CHN1: variants seen among roughly 807,000 people sequenced by gnomAD.
The protein encoded by CHN1 is N-chimaerin.
A neutral mutation model predicts 59.5 loss-of-function variants in CHN1; 37 were observed. The ratio of observed to expected loss-of-function variants is 0.62; its 90% CI spans 0.48 to 0.82. The LOEUF is 0.82. CHN1 is among the 40% of genes least tolerant of loss of function. The pLI is 0.00. For synonymous variants in CHN1, 206 were observed against 200.4 expected (o/e 1.03, Z -0.24); for missense variants, 469 against 571.0 (o/e 0.82, Z 1.82).
chr2:174,901,941 T>A (rs1258207245), intron 5 of CHN1, among the ~76,000 whole-genome samples: 1 of 152,090 alleles, frequency 6.6e-6, no homozygotes, highest in East Asian at 1.9e-4. Flanking sequence ...CATATATTTA[T>A]CAACATGGAA....
At chr2:174,825,127 A>C (rs543975713) in intron 7 of CHN1, among the ~76,000 whole-genome samples, 1 of 152,334 alleles carries the variant, frequency 6.6e-6, no homozygotes, top group South Asian at 2.1e-4. Flanking sequence ...AAATACTGGC[A>C]TTTCTATGTA....
intron 3 of CHN1, among the ~76,000 whole-genome samples, chr2:174,938,905 A>G (rs1243547737): frequency 2.0e-5 from 3 of 152,142 alleles, no homozygotes; most frequent in Non-Finnish European, 4.4e-5. Flanking sequence ...CAAAAAATCT[A>G]TATTTTTGTG....
intron 1 of CHN1, among the ~76,000 whole-genome samples, chr2:174,979,490 G>T (rs1691066513): frequency 6.6e-6 from 1 of 152,162 alleles, no homozygotes; most frequent in East Asian, 1.9e-4. Flanking sequence ...CTCTGGTTAT[G>T]TGCAACCCAA....
intron 4 of CHN1, 81 bp downstream of exon 4, chr2:174,918,453 C>A: frequency 9.5e-7 from 1 of 1,052,020 alleles, no homozygotes; most frequent in Non-Finnish European, 1.3e-6. Flanking sequence ...CTTCATCTTG[C>A]TTTCATTTAA....
At chr2:174,861,595 A>C (rs755189871) in intron 6 of CHN1, among the ~76,000 whole-genome samples, 25 of 152,266 alleles carry the variant, frequency 1.6e-4, no homozygotes, top group Non-Finnish European at 3.2e-4. Context: ...AAGTAATGGC[A>C]GGTCAGAGGT....
At chr2:174,958,708 C>A (rs571173923) in intron 1 of CHN1, among the ~76,000 whole-genome samples, 3 of 152,302 alleles carry the variant, frequency 2.0e-5, no homozygotes, top group East Asian at 3.9e-4. Flanking sequence ...ATAACAATAT[C>A]ATCTAAAATG....
intron 5 of CHN1, among the ~76,000 whole-genome samples, chr2:174,886,059 G>A (rs1410554746): frequency 1.3e-5 from 2 of 152,122 alleles, no homozygotes; most frequent in Admixed American, 1.3e-4. Flanking sequence ...TACTATGTCA[G>A]GATAAAAAGT....
In CHN1 at chr2:174,879,446, AT is replaced by A. The variant is rs1420189651; in HGVS notation, c.261-1319del. Among the ~76,000 whole-genome samples, 21 of 152,292 alleles carry A rather than the reference AT, an allele frequency of 1.4e-4. No homozygotes were observed. The East Asian group carries it at 2.9e-3, about 21-fold the overall frequency. On this transcript the variant is annotated intron_variant, in intron 5 of 12. Transcript: ENST00000409900. Reference sequence around the variant, plus strand: ...TTATCCATCCTTTAGTAACAATCAAATTTTGATTTACACTTAAGTGAACTAT... The same window carrying A: ...TTATCCATCCTTTAGTAACAATCAAATTTGATTTACACTTAAGTGAACTAT...
chr2:174,877,855 C>A lies in CHN1; in HGVS notation c.534G>T (p.Gly178=), dbSNP rs779665663. ...HDERDSTGQD[G]VSEKRLTSLV... Reference sequence around the variant, plus strand: ...AGTAGCTTACCCTTTTCTCTGACACCCCATCCTGGCCTGTAGAATCTCTCT... The same window carrying A: ...AGTAGCTTACCCTTTTCTCTGACACACCATCCTGGCCTGTAGAATCTCTCT... The change falls in exon 6 of 13, where the codon GGG becomes GGT. Residue 178 remains glycine, a synonymous_variant. Coordinates refer to ENST00000409900, the MANE Select transcript of CHN1 (RefSeq NM_001822.7). The A allele has an allele frequency of 6.2e-7, 1 of 1,610,948 alleles. No homozygotes were observed. Among genetic ancestry groups the A allele is most frequent in the African/African-American group, 1.3e-5 (1 of 74,780 alleles).
chr2:174,963,758 G>T (rs539401287), intron 1 of CHN1, among the ~76,000 whole-genome samples: 1 of 152,074 alleles, frequency 6.6e-6, no homozygotes. Context: ...CTCAAGAGTC[G>T]GAGAAAGCAA....
intron 5 of CHN1, among the ~76,000 whole-genome samples, chr2:174,895,832 C>T (rs1447127921): frequency 1.3e-5 from 2 of 152,038 alleles, no homozygotes. Flanking sequence ...CTCCTCAGCT[C>T]AACTCACAAA....
intron 1 of CHN1, among the ~76,000 whole-genome samples, chr2:174,961,543 A>G (rs1928488): frequency 0.048 from 7,319 of 151,950 alleles, 569 homozygotes; most frequent in African/African-American, 0.17. Context: ...GTGAGGTGAG[A>G]TTGCGCCATT....
intron 1 of CHN1, among the ~76,000 whole-genome samples, chr2:174,953,423 T>G (rs766336134): frequency 4.6e-5 from 7 of 151,802 alleles, no homozygotes; most frequent in African/African-American, 9.7e-5. Context: ...CCCCATAGAG[T>G]GTTCAAATAT....
rs1165093312 is a variant in CHN1, at chr2:174,799,952, G to C, written c.*164C>G. The C allele has an allele frequency of 1.4e-6, 1 of 718,230 alleles. No homozygotes were observed. The highest frequency in any genetic ancestry group is 1.7e-5 in the African/African-American group (1 of 57,522). The allele number at this position is 718,230 out of a possible 1,614,324, so 44.5% of individuals were successfully genotyped here. Reference sequence around the variant, plus strand: ...AAAGCGTGTGTTCACTGTTTTACAAGACAGCTGAGCGGTGCTACAAAAACA... The same window carrying C: ...AAAGCGTGTGTTCACTGTTTTACAACACAGCTGAGCGGTGCTACAAAAACA... On this transcript the variant is annotated 3_prime_UTR_variant, in exon 13 of 13. Coordinates refer to ENST00000409900, the MANE Select transcript of CHN1 (RefSeq NM_001822.7).
At chr2:174,811,337 T>C (rs1181545847) in intron 10 of CHN1, 174 bp downstream of exon 10, 2 of 511,954 alleles carry the variant, frequency 3.9e-6, no homozygotes, top group East Asian at 3.1e-5. Context: ...GAAATTTGAC[T>C]GTTTAATACT....
rs532134719 is a variant in CHN1, at chr2:174,910,826, G to A, written c.260+4232C>T. ...GAGGCAGGAGAATGGTGTGAACCCA[G>A]GAGGCGGAGCTTGCAGTGAGCGGAG... On this transcript the variant is annotated intron_variant, in intron 5 of 12. Coordinates refer to ENST00000409900, the MANE Select transcript of CHN1 (RefSeq NM_001822.7). Among the ~76,000 whole-genome samples the A allele has an allele frequency of 4.4e-3, 655 of 147,674 alleles. 5 individuals are homozygous for A. Among genetic ancestry groups the A allele is most frequent in the African/African-American group, 0.016 (616 of 39,570 alleles).
chr2:174,850,207 C>T (rs143287050), intron 6 of CHN1, among the ~76,000 whole-genome samples: 1 of 152,296 alleles, frequency 6.6e-6, no homozygotes, highest in Non-Finnish European at 1.5e-5. Context: ...CTGCCACATG[C>T]TACCTCATAT....
chr2:174,824,616 A>ATTC (rs1224632534), intron 7 of CHN1, 98 bp from the exon 8 acceptor site: 3 of 362,278 alleles, frequency 8.3e-6, no homozygotes, highest in African/African-American at 4.9e-5. Flanking sequence ...CACATATTCT[A>ATTC]TATATATATA....
chr2:174,993,083 C>A (rs1163818990), intron 1 of CHN1, among the ~76,000 whole-genome samples: 2 of 152,168 alleles, frequency 1.3e-5, no homozygotes, highest in Admixed American at 6.5e-5. Flanking sequence ...AGCCACCACA[C>A]CTGGCTCCAA....
Sources: gnomAD v4.1 joint callset for allele counts (sites outside exome capture counted in the v4.1 genomes callset) on GRCh38, gnomAD v4.1.1 for gene constraint, MANE v1.5 for transcripts, NCBI Gene and HGNC (gene_info 2026-07-23, HGNC 2026-07-21) for gene names.